The following PDE3B variants were observed in gnomAD, a reference collection of about 807,000 sequenced individuals.
The protein encoded by PDE3B is phosphodiesterase 3B.
Under a neutral mutation model 116.8 loss-of-function variants are expected in PDE3B, and 66 were observed. That is an observed-to-expected ratio of 0.56 (90% CI 0.46 to 0.69). PDE3B has a LOEUF of 0.69. PDE3B is among the 30% of genes least tolerant of loss of function. PDE3B has a pLI of 0.00. For synonymous variants in PDE3B, 595 were observed against 533.6 expected (o/e 1.12, Z -1.59); for missense variants, 1,384 against 1,368.1 (o/e 1.01, Z -0.18).
Position 14,644,136 on chromosome 11 carries a change from G to T in PDE3B, c.61G>T (p.Gly21Cys), listed in dbSNP as rs949148704. ...MRSLQPPDGA[G>C]SPPESLRNGY... is the part of the protein sequence containing the mutation. ...GTCCCTGCAGCCGCCGGATGGGGCCGGCTCGCCCCCCGAGAGTCTGAGGAA... is the reference window on the plus strand; with the variant it reads ...GTCCCTGCAGCCGCCGGATGGGGCCTGCTCGCCCCCCGAGAGTCTGAGGAA... The change falls in exon 1 of 16, where the codon GGC (glycine) becomes TGC (cysteine). Residue 21 changes from glycine (G) to cysteine (C), a missense_variant. Gly to Cys is a radical substitution (Grantham distance 159, BLOSUM62 -3). Transcript: ENST00000282096. 2 of 1,587,938 alleles carry T rather than the reference G, an allele frequency of 1.3e-6. No homozygotes were observed. Among genetic ancestry groups the T allele is most frequent in the Non-Finnish European group, 1.7e-6 (2 of 1,175,342 alleles).
chr11:14,880,163 AAAG>A, the PDE3B span: 1 of 1,612,786 alleles, frequency 6.2e-7, no homozygotes, highest in Non-Finnish European at 8.5e-7. Context: ...AGGGCCATGA[AAAG>A]AATCGCCCAC....
At chr11:14,649,031 C>T (rs1289625005) in intron 1 of PDE3B, among the ~76,000 whole-genome samples, 1 of 152,116 alleles carries the variant, frequency 6.6e-6, no homozygotes. Context: ...CCATATGAAA[C>T]AGTGCTGATG....
chr11:14,807,992 A>C (rs547124714), intron 5 of PDE3B, among the ~76,000 whole-genome samples: 3 of 151,956 alleles, frequency 2.0e-5, no homozygotes. Flanking sequence ...CCCGGGAGAC[A>C]GAGATTGCGG....
intron 4 of PDE3B, among the ~76,000 whole-genome samples, chr11:14,789,965 A>G (rs1388176084): frequency 6.6e-6 from 1 of 152,038 alleles, no homozygotes; most frequent in Admixed American, 6.6e-5. Context: ...TCAGCTTTCT[A>G]ATTATGTTAA....
chr11:14,651,517 T>C (rs1235852124), intron 1 of PDE3B, among the ~76,000 whole-genome samples: 1 of 152,190 alleles, frequency 6.6e-6, no homozygotes, highest in African/African-American at 2.4e-5. Flanking sequence ...TATAAATTGA[T>C]ACATTTATAT....
chr11:14,664,095 G>A (rs774800224), intron 1 of PDE3B, among the ~76,000 whole-genome samples: 23 of 152,082 alleles, frequency 1.5e-4, no homozygotes, highest in African/African-American at 3.6e-4. Flanking sequence ...TCAAACTAGA[G>A]CTCAGGATTA....
Position 14,723,608 on chromosome 11 carries a change from C to A in PDE3B, c.979-48329C>A, listed in dbSNP as rs559716049. Among the ~76,000 whole-genome samples, 16 of 151,612 alleles carry A rather than the reference C, an allele frequency of 1.1e-4. No homozygotes were observed. In the East Asian group the frequency reaches 2.1e-3, roughly 20 times the overall value. On this transcript the variant is annotated intron_variant, in intron 1 of 15. Transcript: ENST00000282096. ...GCTGCTACACAAATTTAAAAAAAAACCCATTAGCTGGGAATGATGATGCAC... is the reference window on the plus strand; with the variant it reads ...GCTGCTACACAAATTTAAAAAAAAAACCATTAGCTGGGAATGATGATGCAC...
intron 1 of PDE3B, among the ~76,000 whole-genome samples, chr11:14,693,782 C>T (rs1855119965): frequency 6.6e-6 from 1 of 152,210 alleles, no homozygotes; most frequent in South Asian, 2.1e-4. Flanking sequence ...AACATCCATT[C>T]TGCAGCCCAT....
intron 1 of PDE3B, among the ~76,000 whole-genome samples, chr11:14,737,554 C>A (rs1004354752): frequency 1.2e-4 from 18 of 152,304 alleles, no homozygotes; most frequent in South Asian, 2.1e-4. Flanking sequence ...AGCTAATGTG[C>A]AAAGATTGTA....
At chr11:14,806,875 A>G (rs1379186703) in intron 5 of PDE3B, among the ~76,000 whole-genome samples, 15 of 151,052 alleles carry the variant, frequency 9.9e-5, no homozygotes, top group Admixed American at 2.0e-4. Context: ...AAAAAAAAAA[A>G]AAAAAGAAAA....
chr11:14,692,281 G>A (rs1855061754), intron 1 of PDE3B, among the ~76,000 whole-genome samples: 1 of 151,562 alleles, frequency 6.6e-6, no homozygotes, highest in Non-Finnish European at 1.5e-5. Flanking sequence ...CTCTAAAAAT[G>A]ATATATATAA....
intron 7 of PDE3B, among the ~76,000 whole-genome samples, chr11:14,819,422 G>C (rs1859444349): frequency 6.6e-6 from 1 of 152,098 alleles, no homozygotes; most frequent in South Asian, 2.1e-4. Flanking sequence ...CCATACAAAT[G>C]AATGTAGTCT....
In PDE3B at chr11:14,782,535, A is replaced by T. The variant is rs1320618994; in HGVS notation, c.1030-3902A>T. Reference sequence around the variant, plus strand: ...AAGGATTGCCTATTTAATAAATGGTATTGAGAAAACTGGCTAGCCATATGT... The same window carrying T: ...AAGGATTGCCTATTTAATAAATGGTTTTGAGAAAACTGGCTAGCCATATGT... On this transcript the variant is annotated intron_variant, in intron 2 of 15. Transcript: ENST00000282096. Among the ~76,000 whole-genome samples, 29 of 152,116 alleles carry T rather than the reference A, an allele frequency of 1.9e-4. 1 individual carries two copies. Among genetic ancestry groups the T allele is most frequent in the Non-Finnish European group, 1.5e-5 (1 of 68,004 alleles).
chr11:14,885,668 C>A, the PDE3B span: 2 of 1,191,496 alleles, frequency 1.7e-6, no homozygotes, highest in East Asian at 2.5e-5. Flanking sequence ...TAAATAGTTT[C>A]TTATTAATCA....
intron 1 of PDE3B, among the ~76,000 whole-genome samples, chr11:14,709,274 A>G (rs916221773): frequency 8.5e-5 from 13 of 152,120 alleles, no homozygotes; most frequent in African/African-American, 3.1e-4. Context: ...TTGTAGAGCA[A>G]TGTTTTGTAG....
Position 14,867,658 on chromosome 11 carries a change from G to A in PDE3B, c.3039G>A (p.Trp1013Ter), listed in dbSNP as rs1848072560. The change falls in exon 15 of 16, where the codon TGG (tryptophan) becomes TGA (stop). Residue 1013 changes from tryptophan to a stop codon, truncating the protein, a stop_gained. Transcript: ENST00000282096. LOFTEE classifies it high-confidence loss of function. ...CTGCTGGTTTGCTACCAGGTCAGTG[G>A]TTAGAAGCAGAAGAGGATAATGATA... is the stretch of plus-strand genomic sequence containing the variant. ...YDAAGLLPGQ[W>*]LEAEEDNDTE... 2 of 1,614,086 alleles carry A rather than the reference G, an allele frequency of 1.2e-6. No homozygotes were observed. The highest frequency in any genetic ancestry group is 8.5e-7 in the Non-Finnish European group (1 of 1,179,994).
intron 1 of PDE3B, among the ~76,000 whole-genome samples, chr11:14,672,069 T>A (rs2133782075): frequency 6.8e-6 from 1 of 147,462 alleles, no homozygotes; most frequent in South Asian, 2.1e-4. Flanking sequence ...ATATATATAT[T>A]TTATAGTGTT....
chr11:14,807,588 CAG>C (rs1183113697), intron 5 of PDE3B, among the ~76,000 whole-genome samples: 1 of 151,956 alleles, frequency 6.6e-6, no homozygotes, highest in African/African-American at 2.4e-5. Context: ...AAAGCAAAAA[CAG>C]AAGAAACACA....
intron 1 of PDE3B, among the ~76,000 whole-genome samples, chr11:14,656,134 T>A (rs759362252): frequency 2.0e-5 from 3 of 151,910 alleles, no homozygotes; most frequent in African/African-American, 7.3e-5. Context: ...AAAAAGGAGG[T>A]ATGAAGATGC....
Sources: allele counts gnomAD v4.1 joint callset (sites outside exome capture counted in the v4.1 genomes callset), GRCh38; gene constraint gnomAD v4.1.1; transcripts MANE v1.5; gene names NCBI Gene and HGNC (gene_info 2026-07-23, HGNC 2026-07-21).